VGLL4: variants seen among roughly 807,000 people sequenced by gnomAD.
VGLL4 encodes transcription cofactor vestigial-like protein 4.
In VGLL4, 7 loss-of-function variants were observed where a neutral mutation model predicts 21.0. That is an observed-to-expected ratio of 0.33 (90% CI 0.19 to 0.63). The LOEUF (loss-of-function observed/expected upper bound fraction) is 0.63. VGLL4 is among the 20% of genes least tolerant of loss of function. VGLL4 has a pLI of 0.78. For missense variants in VGLL4, 394 were observed against 425.7 expected (o/e 0.93, Z 0.66); for synonymous variants, 222 against 173.2 (o/e 1.28, Z -2.21).
intron 2 of VGLL4, among the ~76,000 whole-genome samples, chr3:11,591,129 C>T (rs976608759): frequency 2.0e-4 from 30 of 152,178 alleles, no homozygotes; most frequent in Non-Finnish European, 2.9e-5. Context: ...CCAAAAAGCA[C>T]ACTCAGAGGA....
At chr3:11,626,186 G>A (rs2075349399) in intron 1 of VGLL4, among the ~76,000 whole-genome samples, 1 of 152,158 alleles carries the variant, frequency 6.6e-6, no homozygotes, top group Non-Finnish European at 1.5e-5. Context: ...AATGAGCCCT[G>A]GGCATTGCAA....
In VGLL4 at chr3:11,608,091, G is replaced by A. The variant is rs190698597; in HGVS notation, c.83-6069C>T. ...TTCCCTCTTGTTCTAACATGTATTCGAAATTTCACAATGGTCTGGCAATTG... is the reference window on the plus strand; with the variant it reads ...TTCCCTCTTGTTCTAACATGTATTCAAAATTTCACAATGGTCTGGCAATTG... On this transcript the variant is annotated intron_variant, in intron 1 of 4. Coordinates refer to ENST00000430365, the MANE Select transcript of VGLL4 (RefSeq NM_001128219.3). Among the ~76,000 whole-genome samples, 6 of 152,286 alleles carry A rather than the reference G, an allele frequency of 3.9e-5. No individual in the cohort carries two copies. The East Asian group carries it at 9.6e-4, about 24-fold the overall frequency.
At chr3:11,590,663 A>AGTGTGTGTGT (rs10592668) in intron 2 of VGLL4, among the ~76,000 whole-genome samples, 18 of 147,378 alleles carry the variant, frequency 1.2e-4, no homozygotes, top group African/African-American at 3.5e-4. Flanking sequence ...CAAAATGAAG[A>AGTGTGTGTGT]GTGTGTGTGT....
At chr3:11,713,017 A>G (rs1053903128) in intron 1 of VGLL4, among the ~76,000 whole-genome samples, 4 of 152,164 alleles carry the variant, frequency 2.6e-5, no homozygotes, top group African/African-American at 9.7e-5. Context: ...GCAACAAACT[A>G]CCAAGACATA....
chr3:11,659,335 T>TC (rs1176926193), intron 2 of VGLL4, among the ~76,000 whole-genome samples: 17 of 141,814 alleles, frequency 1.2e-4, no homozygotes, highest in African/African-American at 4.4e-4. Flanking sequence ...TCTTTTTTTT[T>TC]TTTTTTTTTT....
chr3:11,559,598 C>T (rs574607644), intron 3 of VGLL4, 143 bp from the exon 4 acceptor site: 2 of 1,291,114 alleles, frequency 1.5e-6, no homozygotes, highest in South Asian at 3.4e-5. Context: ...TACTGGAGTC[C>T]TGTTGCTAAA....
chr3:11,717,891 G>A (rs2076940775), intron 1 of VGLL4, among the ~76,000 whole-genome samples: 1 of 152,140 alleles, frequency 6.6e-6, no homozygotes, highest in Non-Finnish European at 1.5e-5. Flanking sequence ...AGGAAAATAA[G>A]ATACAAAGTT....
rs1023421002 is a variant in VGLL4 at position 11,617,125 on chromosome 3, G to A, written c.83-15103C>T. The stretch of plus-strand genomic sequence containing the variant: ...GAGCGATGCCACACACATTTTATAT[G>A]AGGGAGACAATAATTCTAACTCTAA... On this transcript the variant is annotated intron_variant, in intron 1 of 4. Coordinates refer to ENST00000430365, the MANE Select transcript of VGLL4 (RefSeq NM_001128219.3). Among the ~76,000 whole-genome samples the A allele has an allele frequency of 3.3e-5, 5 of 152,102 alleles. No individual in the cohort carries two copies. In the South Asian group the frequency reaches 1.0e-3, roughly 32 times the overall value.
chr3:11,558,898 C>G (rs2072693159), intron 4 of VGLL4, 71 bp from the exon 5 acceptor site: 1 of 1,548,460 alleles, frequency 6.5e-7, no homozygotes, highest in Admixed American at 1.7e-5. Context: ...TTGCAGCACC[C>G]TCCCTCAGGC....
intron 3 of VGLL4, among the ~76,000 whole-genome samples, chr3:11,563,736 C>G (rs113039449): frequency 0.014 from 2,109 of 152,326 alleles, 55 homozygotes; most frequent in African/African-American, 0.048. Context: ...TCTGGTACCC[C>G]CTGGCACACA....
chr3:11,652,684 G>C (rs1340383721), intron 2 of VGLL4, among the ~76,000 whole-genome samples: 3 of 152,150 alleles, frequency 2.0e-5, no homozygotes, highest in Admixed American at 1.3e-4. Flanking sequence ...GCCTCCCAAA[G>C]TACTGGGACT....
chr3:11,571,783 C>G (rs544696253), intron 2 of VGLL4, among the ~76,000 whole-genome samples: 2 of 152,282 alleles, frequency 1.3e-5, no homozygotes, highest in African/African-American at 4.8e-5. Context: ...CCATCTATTG[C>G]GAGACAGCTG....
chr3:11,651,788 T>C (rs968821847), intron 2 of VGLL4, among the ~76,000 whole-genome samples: 4 of 152,086 alleles, frequency 2.6e-5, no homozygotes, highest in Non-Finnish European at 5.9e-5. Flanking sequence ...AAACCAAATA[T>C]CTAATAAGCT....
chr3:11,646,028 C>T (rs770624700), upstream of VGLL4, among the ~76,000 whole-genome samples: 3 of 152,066 alleles, frequency 2.0e-5, no homozygotes, highest in Non-Finnish European at 2.9e-5. Context: ...ATACTGTTGC[C>T]GTCATTGCTG....
At chr3:11,652,521 A>T (rs535815720) in intron 2 of VGLL4, among the ~76,000 whole-genome samples, 82 of 152,220 alleles carry the variant, frequency 5.4e-4, no homozygotes, top group Middle Eastern at 3.4e-3. Context: ...CCCGGGTTCA[A>T]GCGATTCTCC....
At chr3:11,690,453 T>C (rs948835968) in intron 2 of VGLL4, among the ~76,000 whole-genome samples, 5 of 152,236 alleles carry the variant, frequency 3.3e-5, no homozygotes, top group Non-Finnish European at 7.3e-5. Context: ...TTTTTTCTAA[T>C]TTAAAATGCT....
rs1032176451 is a variant in VGLL4 at position 11,582,387 on chromosome 3, T to C, written c.273-17368A>G. ...TGGCAAGCAGTCTCAGGCACAAAAC[T>C]GGATGGGCGGGCGCTTGTCAGAATA... is the stretch of plus-strand genomic sequence containing the variant. On this transcript the variant is annotated intron_variant, in intron 2 of 4. Coordinates refer to ENST00000430365, the MANE Select transcript of VGLL4 (RefSeq NM_001128219.3). The C allele has an allele frequency of 1.8e-5, 28 of 1,556,332 alleles. No homozygotes were observed. The African/African-American group carries it at 3.1e-4, about 17-fold the overall frequency.
At chr3:11,645,573 C>A (rs558484686), upstream of VGLL4, among the ~76,000 whole-genome samples, 11 of 85,250 alleles carry the variant, frequency 1.3e-4, 4 homozygotes, top group African/African-American at 5.2e-4. Context: ...GTCCGCAGTC[C>A]GGCCTGGGCG....
At chr3:11,704,396 A>T (rs59779945) in intron 1 of VGLL4, among the ~76,000 whole-genome samples, 2 of 149,994 alleles carry the variant, frequency 1.3e-5, no homozygotes, top group Middle Eastern at 6.8e-3. Flanking sequence ...AAAAAAAAAA[A>T]AAAAAAAAAG....
Sources: gnomAD v4.1 joint callset for allele counts (sites outside exome capture counted in the v4.1 genomes callset) on GRCh38, gnomAD v4.1.1 for gene constraint, MANE v1.5 for transcripts, NCBI Gene and HGNC (gene_info 2026-07-23, HGNC 2026-07-21) for gene names.